PCDH15: variants seen among roughly 807,000 people sequenced by gnomAD.
The protein encoded by PCDH15 is protocadherin-15.
PCDH15 carries 129 observed loss-of-function variants against 178.5 expected under a neutral mutation model. That is an observed-to-expected ratio of 0.72 (90% confidence interval 0.63 to 0.84). The LOEUF (loss-of-function observed/expected upper bound fraction) is 0.84. Ranked by LOEUF, PCDH15 falls within the 40% of genes least tolerant of loss-of-function variation. The pLI, the probability that PCDH15 is intolerant of heterozygous loss-of-function variation, is 0.00. For missense variants in PCDH15, 2,230 were observed against 2,099.9 expected (o/e 1.06, Z -1.21); for synonymous variants, 800 against 732.0 (o/e 1.09, Z -1.50).
At chr10:54,233,752 A>G (rs1041577964) in intron 9 of PCDH15, among the ~76,000 whole-genome samples, 2 of 152,232 alleles carry the variant, frequency 1.3e-5, no homozygotes, top group African/African-American at 2.4e-5. Context: ...TCCTGAGTAT[A>G]TATACAGCTT....
At chr10:54,754,761 C>T (rs1181316844) in intron 1 of PCDH15, among the ~76,000 whole-genome samples, 1 of 151,968 alleles carries the variant, frequency 6.6e-6, no homozygotes, top group Non-Finnish European at 1.5e-5. Flanking sequence ...CGTTTATGGA[C>T]ATAACCAATT....
chr10:53,962,723 A>C (rs2088493670), intron 21 of PCDH15, among the ~76,000 whole-genome samples: 2 of 152,204 alleles, frequency 1.3e-5, no homozygotes, highest in South Asian at 4.1e-4. Flanking sequence ...CACCAAACAA[A>C]GTCACTTTTA....
intron 32 of PCDH15, chr10:53,821,775 C>CTTCT (rs2076283081): frequency 1.3e-6 from 2 of 1,587,674 alleles, no homozygotes; most frequent in Admixed American, 3.6e-5. Context: ...ATAATAGAGT[C>CTTCT]TTCTTTGACG....
intron 28 of PCDH15, among the ~76,000 whole-genome samples, chr10:53,855,899 G>GATGTGTATATAT (rs1554832729): frequency 4.8e-4 from 37 of 77,826 alleles, no homozygotes; most frequent in African/African-American, 2.7e-3. Context: ...AAAAAAAGGT[G>GATGTGTATATAT]ATATGTATAT....
At chr10:54,252,682 T>C (rs981444115) in intron 8 of PCDH15, among the ~76,000 whole-genome samples, 3 of 152,134 alleles carry the variant, frequency 2.0e-5, no homozygotes, top group Non-Finnish European at 4.4e-5. Context: ...ATCAACGTTG[T>C]AAGTGTATAA....
At chr10:55,535,662 A>G (rs2132068601) in intron 2 of PCDH15, among the ~76,000 whole-genome samples, 1 of 152,206 alleles carries the variant, frequency 6.6e-6, no homozygotes, top group African/African-American at 2.4e-5. Context: ...AAGGCAAAGC[A>G]AAAGCAGATA....
intron 8 of PCDH15, among the ~76,000 whole-genome samples, chr10:54,276,631 A>C (rs1375331067): frequency 6.7e-6 from 1 of 150,324 alleles, no homozygotes; most frequent in Non-Finnish European, 1.5e-5. Flanking sequence ...ATATATAATA[A>C]AATCTATATA....
At chr10:54,063,359 T>A (rs2094070396) in intron 18 of PCDH15, among the ~76,000 whole-genome samples, 1 of 152,176 alleles carries the variant, frequency 6.6e-6, no homozygotes, top group Non-Finnish European at 1.5e-5. Flanking sequence ...TCTCTCAACT[T>A]CTCTCTTACC....
intron 2 of PCDH15, among the ~76,000 whole-genome samples, chr10:55,623,747 A>T (rs1286314000): frequency 2.0e-5 from 3 of 151,004 alleles, no homozygotes; most frequent in Non-Finnish European, 4.4e-5. Flanking sequence ...GATTATTTTG[A>T]AAAAGGCAGT....
intron 2 of PCDH15, among the ~76,000 whole-genome samples, chr10:54,630,857 A>T (rs2093682800): frequency 6.6e-6 from 1 of 152,154 alleles, no homozygotes; most frequent in Admixed American, 6.6e-5. Context: ...ACATGAAGAG[A>T]CAGTTCTCAA....
intron 1 of PCDH15, among the ~76,000 whole-genome samples, chr10:55,313,544 T>C (rs1843645347): frequency 6.6e-6 from 1 of 152,202 alleles, no homozygotes; most frequent in South Asian, 2.1e-4. Flanking sequence ...TGTTTTAAAG[T>C]TGACCCATTG....
intron 2 of PCDH15, among the ~76,000 whole-genome samples, chr10:54,633,000 C>T (rs546422329): frequency 6.6e-6 from 1 of 152,038 alleles, no homozygotes; most frequent in African/African-American, 2.4e-5. Context: ...AAAGTATATA[C>T]TTACCTGTAC....
At chr10:54,615,356 A>G (rs2134314347) in intron 2 of PCDH15, among the ~76,000 whole-genome samples, 2 of 152,176 alleles carry the variant, frequency 1.3e-5, no homozygotes, top group Middle Eastern at 6.8e-3. Flanking sequence ...GTGTTTCTGG[A>G]ACTAAACAGA....
At chr10:54,520,477 TG>T (rs2082730304) in intron 3 of PCDH15, among the ~76,000 whole-genome samples, 2 of 152,124 alleles carry the variant, frequency 1.3e-5, no homozygotes, top group Non-Finnish European at 2.9e-5. Context: ...TCATCATCAC[TG>T]GCCATCAGAG....
intron 16 of PCDH15, among the ~76,000 whole-genome samples, chr10:54,081,083 G>A (rs910700485): frequency 5.3e-5 from 8 of 151,834 alleles, no homozygotes; most frequent in Non-Finnish European, 1.2e-4. Flanking sequence ...GTATATTTAC[G>A]ATGAATTACA....
intron 8 of PCDH15, among the ~76,000 whole-genome samples, chr10:54,265,103 A>G (rs570953154): frequency 5.3e-4 from 81 of 152,282 alleles, no homozygotes; most frequent in African/African-American, 1.9e-3. Context: ...TTAGAGGTCT[A>G]TTTTTAGTAC....
chr10:54,317,160 G>T, intron 8 of PCDH15, 111 bp downstream of exon 8: 1 of 1,111,770 alleles, frequency 9.0e-7, no homozygotes, highest in South Asian at 1.3e-5. Context: ...TTTTCAATGT[G>T]CATATACTGA....
intron 2 of PCDH15, among the ~76,000 whole-genome samples, chr10:55,048,034 C>T (rs754440265): frequency 6.6e-6 from 1 of 151,806 alleles, no homozygotes; most frequent in Non-Finnish European, 1.5e-5. Context: ...GTATTTTACA[C>T]ATTAGCCGAA....
At chr10:54,853,318 T>TATATATATATATACAC (rs1194965974) in intron 3 of PCDH15, among the ~76,000 whole-genome samples, 2 of 102,054 alleles carry the variant, frequency 2.0e-5, no homozygotes, top group African/African-American at 8.6e-5. Flanking sequence ...TATATATATA[T>TATATATATATATACAC]ACATACACAC....
Sources: allele counts gnomAD v4.1 joint callset (sites outside exome capture counted in the v4.1 genomes callset), GRCh38; gene constraint gnomAD v4.1.1; transcripts MANE v1.5; gene names NCBI Gene and HGNC (gene_info 2026-07-23, HGNC 2026-07-21).